SLC25A25: variants seen among roughly 807,000 people sequenced by gnomAD.
The protein encoded by SLC25A25 is solute carrier family 25 member 25.
A neutral mutation model predicts 57.7 loss-of-function variants in SLC25A25; 32 were observed. The observed-to-expected ratio is 0.55, with a 90% CI of 0.42 to 0.74. The LOEUF is 0.74. SLC25A25 is among the 30% of genes least tolerant of loss of function. The pLI, the probability that SLC25A25 is intolerant of heterozygous loss-of-function variation, is 0.00. For synonymous variants in SLC25A25, 306 were observed against 291.2 expected (o/e 1.05, Z -0.52); for missense variants, 556 against 701.3 (o/e 0.79, Z 2.34).
chr9:128,083,097 G>A (rs984171434), intron 1 of SLC25A25, among the ~76,000 whole-genome samples: 1 of 151,842 alleles, frequency 6.6e-6, no homozygotes, highest in Non-Finnish European at 1.5e-5. Context: ...GCATTGTGGC[G>A]GGCGCCTGTA....
At chr9:128,086,328 A>ATTT (rs35134996) in intron 1 of SLC25A25, among the ~76,000 whole-genome samples, 16,986 of 95,192 alleles carry the variant, frequency 0.18, 1,335 homozygotes, top group South Asian at 0.25. Flanking sequence ...TACTCGGCTA[A>ATTT]TTTTTTTTTT....
chr9:128,106,487 C>A lies in SLC25A25; in HGVS notation c.1179C>A (p.Ile393=). The change falls in exon 9 of 11, where the codon ATC becomes ATA. Residue 393 remains isoleucine, a synonymous_variant. Coordinates refer to ENST00000373069, the MANE Select transcript of SLC25A25 (RefSeq NM_001330988.2). ...ATGTCCCCAACATGCTGGGCATCAT[C>A]CCCTATGCCGGCATCGACCTTGCAG... ...KGYVPNMLGI[I]PYAGIDLAVY... is the part of the protein sequence containing the mutation. 6.2e-7 allele frequency: 1 copy of A among 1,611,320 alleles called. No individual in the cohort carries two copies. The highest frequency in any genetic ancestry group is 1.1e-5 in the South Asian group (1 of 91,028).
chr9:128,104,331 G>A (rs1833928898), intron 6 of SLC25A25, among the ~76,000 whole-genome samples: 1 of 152,206 alleles, frequency 6.6e-6, no homozygotes, highest in Non-Finnish European at 1.5e-5. Flanking sequence ...ATGGTGACTG[G>A]CCACCACTTG....
intron 6 of SLC25A25, among the ~76,000 whole-genome samples, chr9:128,104,865 ATT>A (rs1833952595): frequency 1.1e-5 from 1 of 89,844 alleles, no homozygotes; most frequent in African/African-American, 3.5e-5. Context: ...TATTATTATT[ATT>A]ATATTTTTTG....
chr9:128,108,491 C>G lies in SLC25A25; in HGVS notation c.*1047C>G. 2.6e-6 allele frequency: 1 copy of G among 386,432 alleles called. No individual in the cohort carries two copies. Among genetic ancestry groups the G allele is most frequent in the Non-Finnish European group, 4.6e-6 (1 of 218,692 alleles). 23.9% of individuals were successfully genotyped at this position (386,432 alleles called of 1,614,324 possible). On this transcript the variant is annotated 3_prime_UTR_variant, in exon 11 of 11. Transcript: ENST00000373069. ...GCAGCGGGACCAGCCCCACATTCCA[C>G]TTGTGTCACTGCTTGGAACCTATTT...
chr9:128,098,659 G>A (rs1833649393), intron 1 of SLC25A25: 1 of 1,614,070 alleles, frequency 6.2e-7, no homozygotes, highest in Admixed American at 1.7e-5. Flanking sequence ...CCGAGCTGAA[G>A]TCCATTTTCA....
intron 1 of SLC25A25, among the ~76,000 whole-genome samples, chr9:128,089,926 C>T (rs1041453600): frequency 2.4e-4 from 36 of 152,148 alleles, no homozygotes; most frequent in African/African-American, 8.0e-4. Flanking sequence ...TAAGCCACTG[C>T]GCTCGGCCTT....
chr9:128,102,023 G>A lies in SLC25A25; in HGVS notation c.477-57G>A, dbSNP rs118142698. On this transcript the variant is annotated intron_variant, in intron 3 of 10. Transcript: ENST00000373069. This position sits in a 1 kb window ranked among gnomAD's most constrained non-coding sequence, Gnocchi z 4.1. ...GTGCTTGCTTCACTAACATGGCTCC[G>A]AGCACTTATGCGTGTTGTTTCTGCT... 6,604 of 1,546,162 alleles carry A rather than the reference G, an allele frequency of 4.3e-3. 18 individuals carry two copies. Among genetic ancestry groups the A allele is most frequent in the Non-Finnish European group, 4.9e-3 (5,587 of 1,143,052 alleles).
At chr9:128,082,551 TA>T (rs1588756525) in intron 1 of SLC25A25, among the ~76,000 whole-genome samples, 1 of 152,236 alleles carries the variant, frequency 6.6e-6, no homozygotes, top group East Asian at 1.9e-4. Flanking sequence ...TATCAGTATA[TA>T]AAAGAGAGTC....
intron 1 of SLC25A25, chr9:128,098,768 G>A (rs759894728): frequency 3.7e-6 from 6 of 1,600,146 alleles, no homozygotes; most frequent in Admixed American, 3.4e-5. Flanking sequence ...GCATTCAACC[G>A]GTATTTGTTG....
chr9:128,073,795 C>T (rs1304746614), intron 1 of SLC25A25, among the ~76,000 whole-genome samples: 10 of 145,952 alleles, frequency 6.9e-5, no homozygotes, highest in South Asian at 2.2e-4. Flanking sequence ...AGTGCAGTGG[C>T]GTGATCTCAG....
In SLC25A25 at chr9:128,101,311, C is replaced by T. The variant is rs35473740; in HGVS notation, c.391C>T (p.Arg131Cys). ...GCTCACGGCCTCTGTTCTTGCAGGA[C>T]GCATTGACGCGCAGGAGATCATGCA... ...FKSLDKKNDG[R>C]IDAQEIMQSL... The change falls in exon 3 of 11, where the codon CGC (arginine) becomes TGC (cysteine). Residue 131 changes from arginine to cysteine, a missense_variant and splice_region_variant. This residue lies in a region of SLC25A25 where 248 missense variants were observed against 273.5 expected (regional missense o/e 0.91). Coordinates refer to ENST00000373069, the MANE Select transcript of SLC25A25 (RefSeq NM_001330988.2). The surrounding 1 kb of genome is among the most constrained non-coding windows in gnomAD (Gnocchi z 4.9). 1.8e-4 allele frequency: 292 copies of T among 1,614,126 alleles called. No individual in the cohort carries two copies. The highest frequency in any genetic ancestry group is 2.2e-4 in the Non-Finnish European group (262 of 1,180,052).
At chr9:128,106,900 C>T (rs563617857) in intron 9 of SLC25A25, 129 bp from the exon 10 acceptor site, 2 of 1,166,038 alleles carry the variant, frequency 1.7e-6, no homozygotes, top group African/African-American at 1.5e-5. Context: ...GGCAGCCAGG[C>T]TAGGAGCCCA....
Position 128,107,108 on chromosome 9 carries a change from C to T in SLC25A25, c.1292C>T (p.Thr431Ile). The change falls in exon 10 of 11, where the codon ACC becomes ATC. Residue 431 changes from threonine (T) to isoleucine (I), a missense_variant. Coordinates refer to ENST00000373069, the MANE Select transcript of SLC25A25 (RefSeq NM_001330988.2). ...GTGTTTGTGCTCCTGGCCTGTGGCA[C>T]CATGTCCAGTACCTGTGGCCAGCTG... ...PGVFVLLACG[T>I]MSSTCGQLAS... is the part of the protein sequence containing the mutation. 1.9e-6 allele frequency: 3 copies of T among 1,614,112 alleles called. No homozygotes were observed. Among genetic ancestry groups the T allele is most frequent in the Non-Finnish European group, 2.5e-6 (3 of 1,180,044 alleles).
rs753307557 is a variant in SLC25A25, at chr9:128,099,841, A to C, written c.262-1255A>C. ...ACGCGAGCTAGCCAGTGGGCCATCC[A>C]TTTCCAAACCCCAGCTGGCTGTCAG... is the stretch of plus-strand genomic sequence containing the variant. On this transcript the variant is annotated intron_variant, in intron 1 of 10. Coordinates refer to ENST00000373069, the MANE Select transcript of SLC25A25 (RefSeq NM_001330988.2). This position sits in a 1 kb window ranked among gnomAD's most constrained non-coding sequence, Gnocchi z 6.8. 1.3e-5 allele frequency among the ~76,000 whole-genome samples: 2 copies of C among 152,104 alleles called. No homozygotes were observed. The highest frequency in any genetic ancestry group is 6.5e-5 in the Admixed American group (1 of 15,278).
intron 10 of SLC25A25, 33 bp downstream of exon 10, chr9:128,107,212 TC>T (rs1359171472): frequency 6.2e-7 from 1 of 1,612,632 alleles, no homozygotes; most frequent in South Asian, 1.1e-5. Context: ...CCCTGGGAGG[TC>T]GGGGGGAGCG....
chr9:128,068,616 G>A (rs775055605), intron 1 of SLC25A25, 36 bp downstream of exon 1: 1 of 1,395,244 alleles, frequency 7.2e-7, no homozygotes, highest in Non-Finnish European at 9.3e-7. Context: ...GGCGGGGAGG[G>A]AGCCCCTCGA....
rs997260535 is a variant in SLC25A25, at chr9:128,108,432, G to A, written c.*988G>A. 2.0e-5 allele frequency: 8 copies of A among 396,064 alleles called. No individual in the cohort carries two copies. The highest frequency in any genetic ancestry group is 4.4e-5 in the Admixed American group (1 of 22,644). 24.5% of individuals were successfully genotyped at this position (396,064 alleles called of 1,614,324 possible). On this transcript the variant is annotated 3_prime_UTR_variant, in exon 11 of 11. Coordinates refer to ENST00000373069, the MANE Select transcript of SLC25A25 (RefSeq NM_001330988.2). Reference sequence around the variant, plus strand: ...CTGACTGCTCAGAGTCTGTTCTGACGCCCTGGGGGTTCCTGTCCAACCCCA... The same window carrying A: ...CTGACTGCTCAGAGTCTGTTCTGACACCCTGGGGGTTCCTGTCCAACCCCA...
At chr9:128,104,548 C>T (rs1833937496) in intron 6 of SLC25A25, among the ~76,000 whole-genome samples, 1 of 152,200 alleles carries the variant, frequency 6.6e-6, no homozygotes, top group Non-Finnish European at 1.5e-5. Context: ...CTTGAGCAAA[C>T]CCCTTTCCCT....
Sources: allele counts gnomAD v4.1 joint callset (sites outside exome capture counted in the v4.1 genomes callset), GRCh38; gene constraint gnomAD v4.1.1; regional missense constraint gnomAD v4.1.1; non-coding constraint Gnocchi (gnomAD v3.1); transcripts MANE v1.5; gene names NCBI Gene and HGNC (gene_info 2026-07-23, HGNC 2026-07-21).